TJP1: variants seen among roughly 807,000 people sequenced by gnomAD.
The protein encoded by TJP1 is tight junction protein 1, also known as tight junction protein ZO-1.
TJP1 carries 43 observed loss-of-function variants against 194.2 expected under a neutral mutation model. That is an observed-to-expected ratio of 0.22 (90% CI 0.17 to 0.29). The LOEUF is 0.29. Ranked by LOEUF, TJP1 falls within the 10% of genes least tolerant of loss-of-function variation. The probability of loss-of-function intolerance (pLI) is 1.00; values close to 1 mark genes in which losing one functional copy is unlikely to be tolerated. For missense variants in TJP1, 1,971 were observed against 2,185.7 expected, an observed-to-expected ratio of 0.90 and a Z score of 1.96; for synonymous variants, 801 against 779.0, an observed-to-expected ratio of 1.03 and a Z score of -0.47.
chr15:29,771,443 G>C (rs1051963034), intron 4 of TJP1, among the ~76,000 whole-genome samples: 1 of 152,100 alleles, frequency 6.6e-6, no homozygotes, highest in African/African-American at 2.4e-5. Flanking sequence ...GTCTGTTGTT[G>C]ACCAAAACAT....
chr15:29,965,853 T>A (rs749857068), intron 1 of TJP1, among the ~76,000 whole-genome samples: 1 of 152,204 alleles, frequency 6.6e-6, no homozygotes, highest in Non-Finnish European at 1.5e-5. Flanking sequence ...TTTGCCGCTG[T>A]AGAATCAGAT....
rs1036235204 is a variant in TJP1 at position 29,737,427 on chromosome 15, A to G, written c.1257-13T>C. 9 of 1,614,126 alleles carry G rather than the reference A, an allele frequency of 5.6e-6. No individual in the cohort carries two copies. Among genetic ancestry groups the G allele is most frequent in the Admixed American group, 3.3e-5 (2 of 60,024 alleles). ...TTTCATGCTGGGCCTGTTAAAACAG[A>G]TATTTCATTTGAAACAGTTAAGAAG... On this transcript the variant is annotated splice_polypyrimidine_tract_variant and intron_variant, in intron 10 of 27. Coordinates refer to ENST00000614355, the MANE Select transcript of TJP1 (RefSeq NM_001330239.4).
intron 2 of TJP1, among the ~76,000 whole-genome samples, chr15:29,861,451 G>C (rs1213174540): frequency 6.6e-6 from 1 of 152,168 alleles, no homozygotes; most frequent in Non-Finnish European, 1.5e-5. Flanking sequence ...TGAAAAATCA[G>C]ACCTTGGTGA....
At chr15:29,796,966 A>G (rs980845703) in intron 2 of TJP1, among the ~76,000 whole-genome samples, 2 of 3,890 alleles carry the variant, frequency 5.1e-4, no homozygotes, top group Non-Finnish European at 4.3e-3. Flanking sequence ...ATCTGTATGA[A>G]AAAAAAAAAA....
intron 15 of TJP1, chr15:29,730,992 T>C (rs1228181779): frequency 3.3e-5 from 43 of 1,300,476 alleles, no homozygotes; most frequent in Non-Finnish European, 4.2e-5. Context: ...GTGAAGTGTG[T>C]GCATTTTTGA....
chr15:29,966,954 A>G (rs2056355160), intron 1 of TJP1, among the ~76,000 whole-genome samples: 1 of 152,014 alleles, frequency 6.6e-6, no homozygotes, highest in Non-Finnish European at 1.5e-5. Context: ...GACATGTTTT[A>G]ATTGAACTGT....
At chr15:29,907,692 A>G (rs2053862599) in intron 2 of TJP1, among the ~76,000 whole-genome samples, 1 of 152,122 alleles carries the variant, frequency 6.6e-6, no homozygotes, top group Non-Finnish European at 1.5e-5. Context: ...TCTTCAACTA[A>G]GCTATCAATG....
At chr15:29,966,704 C>G (rs1180139212) in intron 1 of TJP1, among the ~76,000 whole-genome samples, 2 of 151,966 alleles carry the variant, frequency 1.3e-5, no homozygotes, top group Non-Finnish European at 2.9e-5. Flanking sequence ...CAAAAGCCCT[C>G]CCTCATGCAA....
chr15:29,797,064 T>C (rs1246183994), intron 2 of TJP1, among the ~76,000 whole-genome samples: 1 of 152,212 alleles, frequency 6.6e-6, no homozygotes, highest in Non-Finnish European at 1.5e-5. Flanking sequence ...TTCTTGATTT[T>C]GGGTTTGGCA....
chr15:29,717,476 G>A (rs2042635112), intron 22 of TJP1, among the ~76,000 whole-genome samples: 1 of 152,114 alleles, frequency 6.6e-6, no homozygotes, highest in South Asian at 2.1e-4. Flanking sequence ...AAAAAGCTCA[G>A]GCTGAGGAGC....
intron 2 of TJP1, among the ~76,000 whole-genome samples, chr15:29,888,398 T>A (rs1240792919): frequency 1.3e-5 from 2 of 152,124 alleles, no homozygotes; most frequent in Non-Finnish European, 2.9e-5. Flanking sequence ...TTAATGCCTT[T>A]AATCTATTCA....
chr15:29,752,453 TCTG>T (rs1314088927), intron 8 of TJP1, among the ~76,000 whole-genome samples: 3 of 152,176 alleles, frequency 2.0e-5, no homozygotes, highest in Non-Finnish European at 4.4e-5. Flanking sequence ...AGCCTGCCTT[TCTG>T]CTATTTGATC....
chr15:29,795,367 T>C (rs1273724441), intron 2 of TJP1, among the ~76,000 whole-genome samples: 2 of 149,088 alleles, frequency 1.3e-5, no homozygotes, highest in Non-Finnish European at 3.0e-5. Context: ...CAGTGAGCCA[T>C]GATGGTACCA....
At chr15:29,800,248 A>C (rs1188659609) in intron 2 of TJP1, among the ~76,000 whole-genome samples, 1 of 152,208 alleles carries the variant, frequency 6.6e-6, no homozygotes, top group Non-Finnish European at 1.5e-5. Flanking sequence ...GTTTGAAATC[A>C]ATTAAGTATC....
At chr15:29,725,290 C>T (rs1322961468) in intron 18 of TJP1, among the ~76,000 whole-genome samples, 3 of 152,124 alleles carry the variant, frequency 2.0e-5, no homozygotes, top group Non-Finnish European at 4.4e-5. Flanking sequence ...TGACACATTA[C>T]TATAGGTGAG....
chr15:29,752,787 T>C (rs190555978), intron 8 of TJP1, among the ~76,000 whole-genome samples: 1 of 152,342 alleles, frequency 6.6e-6, no homozygotes, highest in East Asian at 1.9e-4. Flanking sequence ...AAAAAAACTT[T>C]CATGTTCTAA....
intron 2 of TJP1, among the ~76,000 whole-genome samples, chr15:29,945,731 G>T (rs1174499378): frequency 6.6e-6 from 1 of 151,856 alleles, no homozygotes; most frequent in South Asian, 2.1e-4. Context: ...GAACTATGAG[G>T]CAAGGAACGG....
intron 25 of TJP1, among the ~76,000 whole-genome samples, chr15:29,706,605 A>G (rs1020375195): frequency 1.3e-5 from 2 of 152,216 alleles, no homozygotes; most frequent in African/African-American, 4.8e-5. Context: ...TTTAAAATCC[A>G]TGAAATTGGA....
chr15:29,700,598 T>C lies in TJP1; in HGVS notation c.*997A>G. 3 of 394,634 alleles carry C rather than the reference T, an allele frequency of 7.6e-6. No homozygotes were observed. The highest frequency in any genetic ancestry group is 1.3e-5 in the Non-Finnish European group (3 of 224,520). 24.4% of individuals were successfully genotyped at this position (394,634 alleles called of 1,614,324 possible). On this transcript the variant is annotated 3_prime_UTR_variant, in exon 28 of 28. Coordinates refer to ENST00000614355, the MANE Select transcript of TJP1 (RefSeq NM_001330239.4). ...TTATGTATAAAAAAGGTAAAGTTTA[T>C]AAAAGTTAATTTACAAACCAAGAAC...
Sources: gnomAD v4.1 joint callset for allele counts (sites outside exome capture counted in the v4.1 genomes callset) on GRCh38, gnomAD v4.1.1 for gene constraint, MANE v1.5 for transcripts, NCBI Gene and HGNC (gene_info 2026-07-23, HGNC 2026-07-21) for gene names.